Variants in MED13 observed in about 807,000 individuals in gnomAD.
MED13 encodes the protein mediator of RNA polymerase II transcription subunit 13.
In MED13, 23 loss-of-function variants were observed where a neutral mutation model predicts 225.2. The observed-to-expected ratio is 0.10, with a 90% confidence interval of 0.07 to 0.14. The LOEUF is 0.14. Ranked by LOEUF, MED13 falls within the 10% of genes least tolerant of loss-of-function variation. The pLI is 1.00. For synonymous variants in MED13, 942 were observed against 889.2 expected (o/e 1.06, Z -1.06); for missense variants, 2,197 against 2,594.5 (o/e 0.85, Z 3.33).
intron 8 of MED13, among the ~76,000 whole-genome samples, chr17:62,025,215 C>T (rs896457458): frequency 3.9e-5 from 6 of 152,150 alleles, no homozygotes; most frequent in African/African-American, 7.2e-5. Context: ...TCAACTCTGC[C>T]ATTGTGGGGT....
intron 8 of MED13, among the ~76,000 whole-genome samples, 158 bp from the exon 9 acceptor site, chr17:62,011,391 G>C (rs1203400223): frequency 1.3e-5 from 2 of 152,042 alleles, no homozygotes; most frequent in South Asian, 2.1e-4. Context: ...AAAATACTTT[G>C]CTCGTGACCT....
intron 6 of MED13, chr17:62,031,082 T>C (rs984420922): frequency 1.3e-5 from 2 of 159,218 alleles, no homozygotes; most frequent in African/African-American, 4.8e-5. Context: ...AAACAGGGAA[T>C]GCAAACTGGA....
At chr17:61,974,276 C>T (rs1035412763) in intron 16 of MED13, among the ~76,000 whole-genome samples, 11 of 151,690 alleles carry the variant, frequency 7.3e-5, no homozygotes, top group African/African-American at 2.7e-4. Flanking sequence ...TGGTGCCACA[C>T]GCCTGTGGTC....
At chr17:62,050,845 A>G (rs527667723) in intron 3 of MED13, among the ~76,000 whole-genome samples, 4 of 152,202 alleles carry the variant, frequency 2.6e-5, no homozygotes, top group Non-Finnish European at 5.9e-5. Context: ...TTCTACTAAA[A>G]ATACACAAAA....
chr17:62,030,539 G>A (rs564062219), intron 6 of MED13: 1 of 152,448 alleles, frequency 6.6e-6, no homozygotes, highest in East Asian at 1.9e-4. Flanking sequence ...TGGCCCTTCT[G>A]TCCCTGCCAG....
intron 1 of MED13, 151 bp from the exon 2 acceptor site, chr17:62,063,452 T>C: frequency 3.6e-6 from 2 of 562,264 alleles, no homozygotes; most frequent in Admixed American, 3.3e-5. Flanking sequence ...AAAGACTTTA[T>C]AATTCAACAA....
intron 2 of MED13, among the ~76,000 whole-genome samples, chr17:62,057,220 A>G (rs184881394): frequency 1.3e-5 from 2 of 152,302 alleles, no homozygotes; most frequent in Admixed American, 1.3e-4. Context: ...ATTTCCTGAA[A>G]TAAAGAGAAA....
intron 8 of MED13, among the ~76,000 whole-genome samples, chr17:62,016,334 G>A (rs1033202630): frequency 6.6e-6 from 1 of 151,956 alleles, no homozygotes; most frequent in Non-Finnish European, 1.5e-5. Context: ...CACCTCATTG[G>A]CTTGAATGGG....
intron 3 of MED13, among the ~76,000 whole-genome samples, chr17:62,044,437 A>T (rs2080881467): frequency 1.3e-5 from 2 of 152,176 alleles, no homozygotes; most frequent in African/African-American, 4.8e-5. Context: ...GCTTTATCCC[A>T]CAAAATCAAA....
At chr17:62,035,724 A>C (rs2080796911) in intron 3 of MED13, 116 bp from the exon 4 acceptor site, 1 of 941,758 alleles carries the variant, frequency 1.1e-6, no homozygotes. Context: ...CAAAAATTCT[A>C]CTTCATCAGA....
At position 62,012,218 on chromosome 17, in the gene MED13, AAAAAAC is replaced by A. The variant is rs576276675; in HGVS notation, c.1284-991_1284-986del. Among the ~76,000 whole-genome samples the A allele has an allele frequency of 3.2e-4, 48 of 152,210 alleles. No homozygotes were observed. In the South Asian group the frequency reaches 3.7e-3, roughly 12 times the overall value. ...GTGACAGAGCAAGACTCCATCTCAAAAAAAACAAAAACAAAAACAAACAAAAAAAAG... is the reference window on the plus strand; with the variant it reads ...GTGACAGAGCAAGACTCCATCTCAAAAAAAACAAAAACAAACAAAAAAAAG... On this transcript the variant is annotated intron_variant, in intron 8 of 29. Coordinates refer to ENST00000397786, the MANE Select transcript of MED13 (RefSeq NM_005121.3).
intron 12 of MED13, among the ~76,000 whole-genome samples, chr17:61,986,788 A>G (rs1003464819): frequency 3.3e-5 from 5 of 152,216 alleles, no homozygotes; most frequent in Admixed American, 2.6e-4. Context: ...ATGTAAAAAC[A>G]AAAGGAGAAA....
At chr17:62,032,772 AT>A (rs1476159607) in intron 5 of MED13, among the ~76,000 whole-genome samples, 1 of 152,168 alleles carries the variant, frequency 6.6e-6, no homozygotes, top group Non-Finnish European at 1.5e-5. Context: ...CTGCTATGAG[AT>A]TAACATGTCC....
In MED13 at chr17:61,947,191, A is replaced by C. The variant is rs939244488; in HGVS notation, c.6292-174T>G. 4.0e-5 allele frequency among the ~76,000 whole-genome samples: 6 copies of C among 151,728 alleles called. 1 individual carries two copies. Among genetic ancestry groups the C allele is most frequent in the African/African-American group, 1.5e-4 (6 of 41,236 alleles). ...TCTCTTTTAACTAATTCATTATAGA[A>C]ATGTTTTTTTTTTTTTTTTTAAGTA... On this transcript the variant is annotated intron_variant, in intron 28 of 29. Transcript: ENST00000397786.
At chr17:61,959,402 A>AT (rs1026610709) in intron 23 of MED13, among the ~76,000 whole-genome samples, 2 of 151,880 alleles carry the variant, frequency 1.3e-5, no homozygotes, top group African/African-American at 4.8e-5. Flanking sequence ...AAAGGGTGGT[A>AT]TTTTTTTTCT....
At chr17:62,010,518 T>C (rs1257490335) in intron 9 of MED13, 32 bp downstream of exon 9, 4 of 1,343,632 alleles carry the variant, frequency 3.0e-6, no homozygotes, top group Middle Eastern at 2.0e-4. Context: ...CACCCTTAAA[T>C]TATAATGGTG....
At chr17:61,995,432 A>G (rs934618335) in intron 9 of MED13, 67 bp from the exon 10 acceptor site, 83 of 1,114,856 alleles carry the variant, frequency 7.4e-5, no homozygotes, top group Non-Finnish European at 1.0e-4. Context: ...AATGACGTTA[A>G]GTATCATAAT....
At chr17:61,996,489 T>G (rs1233650141) in intron 9 of MED13, among the ~76,000 whole-genome samples, 2 of 152,180 alleles carry the variant, frequency 1.3e-5, no homozygotes, top group Non-Finnish European at 2.9e-5. Context: ...CTCCTCTTCA[T>G]CTTTTACTAT....
intron 9 of MED13, among the ~76,000 whole-genome samples, chr17:62,009,593 T>G (rs1397849130): frequency 2.0e-5 from 3 of 152,180 alleles, no homozygotes; most frequent in Non-Finnish European, 4.4e-5. Context: ...GAAAATATAG[T>G]GCAACAGCCA....
Sources: allele counts gnomAD v4.1 joint callset (sites outside exome capture counted in the v4.1 genomes callset), GRCh38; gene constraint gnomAD v4.1.1; transcripts MANE v1.5; gene names NCBI Gene and HGNC (gene_info 2026-07-23, HGNC 2026-07-21).